The following DSCAML1 variants were observed in gnomAD, a reference collection of about 807,000 sequenced individuals.
DSCAML1 encodes cell adhesion molecule DSCAML1.
Under a neutral mutation model 200.5 loss-of-function variants are expected in DSCAML1, and 38 were observed. That is an observed-to-expected ratio of 0.19 (90% CI 0.15 to 0.25). DSCAML1 has a LOEUF of 0.25. Among genes scored for constraint, DSCAML1 ranks in the 10% least tolerant of loss-of-function variants. The pLI, the probability that DSCAML1 is intolerant of heterozygous loss-of-function variation, is 1.00. For missense variants in DSCAML1, 2,223 were observed against 2,858.8 expected (o/e 0.78, Z 5.07); for synonymous variants, 1,215 against 1,165.0 (o/e 1.04, Z -0.87).
At position 117,477,349 on chromosome 11, in the gene DSCAML1, AGTGTGTGTGTGTGTGTGT is replaced by A. The variant is rs5795087; in HGVS notation, c.2785+3076_2785+3093del. ...GATAGTGCTTTGTAATGGTTCTGAA[AGTGTGTGTGTGTGTGTGT>A]GTGTGTGTGTGTGTGTGTGTGTGTA... On this transcript the variant is annotated intron_variant, in intron 14 of 32. Coordinates refer to ENST00000651296, the MANE Select transcript of DSCAML1 (RefSeq NM_020693.4). Among the ~76,000 whole-genome samples the A allele has an allele frequency of 3.7e-3, 518 of 140,214 alleles. 8 individuals are homozygous for A. Among genetic ancestry groups the A allele is most frequent in the African/African-American group, 0.012 (450 of 37,666 alleles). The allele number at this position is 140,214 out of a possible 152,430, so 92.0% of individuals were successfully genotyped here. A position where few individuals can be genotyped will look rare whatever the true frequency, so the allele number is the denominator to read the frequency against.
chr11:117,744,236 G>T (rs1192795128), intron 3 of DSCAML1, among the ~76,000 whole-genome samples: 1 of 152,182 alleles, frequency 6.6e-6, no homozygotes, highest in Non-Finnish European at 1.5e-5. Flanking sequence ...CTTGCTTAAG[G>T]TCACACATCA....
At chr11:117,459,051 C>T (rs2137141151) in intron 18 of DSCAML1, 142 bp from the exon 19 acceptor site, 2 of 1,113,280 alleles carry the variant, frequency 1.8e-6, no homozygotes, top group South Asian at 1.5e-5. Context: ...GAGGGTCTTT[C>T]ACCTCAAGGT....
At chr11:117,484,944 A>AGTGTGTGTGTGTGT (rs2049013076) in intron 11 of DSCAML1, among the ~76,000 whole-genome samples, 2 of 88,448 alleles carry the variant, frequency 2.3e-5, no homozygotes, top group African/African-American at 4.2e-5. Context: ...TGTGTGTGTA[A>AGTGTGTGTGTGTGT]GTGGGGCTGG....
chr11:117,772,450 T>C (rs2134038903), intron 3 of DSCAML1, among the ~76,000 whole-genome samples: 1 of 152,330 alleles, frequency 6.6e-6, no homozygotes, highest in African/African-American at 2.4e-5. Flanking sequence ...GACAACTCAG[T>C]ATCCCCATTT....
chr11:117,635,476 G>A (rs543827427), intron 3 of DSCAML1, among the ~76,000 whole-genome samples: 42 of 151,758 alleles, frequency 2.8e-4, no homozygotes, highest in Non-Finnish European at 4.7e-4. Context: ...GTGTGTGTGC[G>A]TGTGTGTTTA....
chr11:117,672,144 C>T (rs2053124694), intron 3 of DSCAML1, among the ~76,000 whole-genome samples: 1 of 145,958 alleles, frequency 6.9e-6, no homozygotes, highest in Non-Finnish European at 1.5e-5. Flanking sequence ...TGGGCCTCAT[C>T]CAGGCTGACC....
At chr11:117,511,043 A>G (rs1741947381) in intron 8 of DSCAML1, among the ~76,000 whole-genome samples, 1 of 152,166 alleles carries the variant, frequency 6.6e-6, no homozygotes, top group African/African-American at 2.4e-5. Flanking sequence ...CCTTAAGCTT[A>G]TCATCATAGA....
At chr11:117,485,533 A>G (rs1029890221) in intron 11 of DSCAML1, among the ~76,000 whole-genome samples, 2 of 152,162 alleles carry the variant, frequency 1.3e-5, no homozygotes, top group Admixed American at 6.5e-5. Context: ...GTGGCCTTCC[A>G]CCCCTTAAAG....
At chr11:117,479,206 G>A (rs933968525) in intron 14 of DSCAML1, among the ~76,000 whole-genome samples, 19 of 152,226 alleles carry the variant, frequency 1.2e-4, no homozygotes, top group African/African-American at 3.1e-4. Context: ...GGCCACTGCC[G>A]TGCTAAGTGG....
At position 117,431,731 on chromosome 11, in the gene DSCAML1, G is replaced by A. The variant is rs1414952581; in HGVS notation, c.5180-3C>T. On this transcript the variant is annotated splice_region_variant and splice_polypyrimidine_tract_variant and intron_variant, in intron 30 of 32. Transcript: ENST00000651296. ...CACATTCTTCCTGGACACTGGATCT[G>A]CACAGACAGAAGCAAGAAATTGCAT... 1.3e-6 allele frequency: 2 copies of A among 1,531,312 alleles called. No homozygotes were observed. The highest frequency in any genetic ancestry group is 1.3e-5 in the South Asian group (1 of 79,172). 94.9% of individuals were successfully genotyped at this position (1,531,312 alleles called of 1,614,324 possible). A position where few individuals can be genotyped will look rare whatever the true frequency, so the allele number is the denominator to read the frequency against.
intron 14 of DSCAML1, among the ~76,000 whole-genome samples, chr11:117,476,054 T>C (rs867153383): frequency 2.0e-5 from 3 of 152,168 alleles, no homozygotes; most frequent in Non-Finnish European, 4.4e-5. Flanking sequence ...TTGGTGAATA[T>C]TGTCTCTTTT....
chr11:117,483,280 G>C (rs2048968250), intron 11 of DSCAML1, among the ~76,000 whole-genome samples: 1 of 152,180 alleles, frequency 6.6e-6, no homozygotes. Context: ...AATGAGACAG[G>C]GTCCTTGCCT....
At chr11:117,583,409 T>G (rs1384262377) in intron 3 of DSCAML1, among the ~76,000 whole-genome samples, 1 of 152,186 alleles carries the variant, frequency 6.6e-6, no homozygotes, top group East Asian at 1.9e-4. Flanking sequence ...AGTTTAGGCT[T>G]CGTGGTCTGA....
intron 3 of DSCAML1, among the ~76,000 whole-genome samples, chr11:117,659,883 TA>T (rs890274388): frequency 8.0e-6 from 1 of 124,614 alleles, no homozygotes; most frequent in Non-Finnish European, 1.7e-5. Context: ...CAGGCCTAGC[TA>T]AATTTTTTTT....
At chr11:117,432,965 G>A (rs969560991) in intron 29 of DSCAML1, among the ~76,000 whole-genome samples, 173 bp downstream of exon 29, 1 of 152,144 alleles carries the variant, frequency 6.6e-6, no homozygotes, top group African/African-American at 2.4e-5. Flanking sequence ...GGACAGAGGA[G>A]GAAAATTAGC....
chr11:117,743,024 C>CATCCATCCATCT (rs2137845197), intron 3 of DSCAML1, among the ~76,000 whole-genome samples: 1 of 152,294 alleles, frequency 6.6e-6, no homozygotes, highest in East Asian at 1.9e-4. Context: ...TCCATCCATC[C>CATCCATCCATCT]ATCCACCCAT....
chr11:117,735,834 G>T (rs1007749211), intron 3 of DSCAML1, among the ~76,000 whole-genome samples: 1 of 152,180 alleles, frequency 6.6e-6, no homozygotes, highest in African/African-American at 2.4e-5. Context: ...AGGGCTCCTG[G>T]AAAGGGGCAG....
intron 3 of DSCAML1, among the ~76,000 whole-genome samples, chr11:117,533,465 G>A (rs372446274): frequency 1.3e-5 from 2 of 152,298 alleles, no homozygotes; most frequent in East Asian, 3.9e-4. Context: ...CTCAACAAAT[G>A]ATTATTGAGG....
At chr11:117,432,726 C>T (rs371911412) in intron 29 of DSCAML1, among the ~76,000 whole-genome samples, 1 of 151,674 alleles carries the variant, frequency 6.6e-6, no homozygotes, top group Non-Finnish European at 1.5e-5. Context: ...ATCCTCCTAC[C>T]TCAACCTTCT....
Sources: gnomAD v4.1 joint callset for allele counts (sites outside exome capture counted in the v4.1 genomes callset) on GRCh38, gnomAD v4.1.1 for gene constraint, MANE v1.5 for transcripts, NCBI Gene and HGNC (gene_info 2026-07-23, HGNC 2026-07-21) for gene names.